The following CLIC4 variants were observed in gnomAD, a reference collection of about 807,000 sequenced individuals.
The protein encoded by CLIC4 is CLIC family member 4.
In CLIC4, 13 loss-of-function variants were observed where a neutral mutation model predicts 24.6. The observed-to-expected ratio is 0.53, with a 90% CI of 0.34 to 0.84. The LOEUF (loss-of-function observed/expected upper bound fraction) is 0.84, where lower values mean the gene tolerates loss of function less well. CLIC4 is among the 40% of genes least tolerant of loss of function. The pLI, the probability that CLIC4 is intolerant of heterozygous loss-of-function variation, is 0.01. For synonymous variants in CLIC4, 104 were observed against 111.3 expected, an observed-to-expected ratio of 0.93 and a Z score of 0.41; for missense variants, 227 against 301.7, an observed-to-expected ratio of 0.75 and a Z score of 1.83.
At position 24,835,970 on chromosome 1, in the gene CLIC4, T is replaced by A. The variant is rs1169183587; in HGVS notation, c.416-3890T>A. ...AATGTTGCTTATGTACAAGACTGTATCTATCTGTCTATCTATGAAACACAC... is the reference window on the plus strand; with the variant it reads ...AATGTTGCTTATGTACAAGACTGTAACTATCTGTCTATCTATGAAACACAC... On this transcript the variant is annotated intron_variant, in intron 4 of 5. Coordinates refer to ENST00000374379, the MANE Select transcript of CLIC4 (RefSeq NM_013943.3). Among the ~76,000 whole-genome samples the A allele has an allele frequency of 4.6e-5, 7 of 152,202 alleles. No individual in the cohort carries two copies. In the South Asian group the frequency reaches 8.3e-4, roughly 18 times the overall value.
At chr1:24,762,833 A>G (rs1287254370) in intron 1 of CLIC4, among the ~76,000 whole-genome samples, 1 of 152,198 alleles carries the variant, frequency 6.6e-6, no homozygotes, top group Non-Finnish European at 1.5e-5. Flanking sequence ...TTGGCTATGT[A>G]GAAGACACAG....
At chr1:24,813,968 C>T (rs1639643301) in intron 2 of CLIC4, 126 bp from the exon 3 acceptor site, 2 of 1,058,870 alleles carry the variant, frequency 1.9e-6, no homozygotes, top group South Asian at 2.7e-5. Context: ...TGTCCCACCT[C>T]AGCCTCCTGT....
chr1:24,799,338 C>A, intron 2 of CLIC4, among the ~76,000 whole-genome samples: 1 of 151,498 alleles, frequency 6.6e-6, no homozygotes, highest in Non-Finnish European at 1.5e-5. Context: ...TGCCCGGCCG[C>A]AACCCCGTCT....
chr1:24,813,715 G>A (rs566935001), intron 2 of CLIC4, among the ~76,000 whole-genome samples: 33 of 151,186 alleles, frequency 2.2e-4, no homozygotes, highest in African/African-American at 5.3e-4. Context: ...CACCATGCCC[G>A]GACAATTTAT....
chr1:24,747,038 T>C (rs1413262949), intron 1 of CLIC4, among the ~76,000 whole-genome samples: 1 of 151,582 alleles, frequency 6.6e-6, no homozygotes, highest in Non-Finnish European at 1.5e-5. Context: ...TCTGCAGTCT[T>C]CAGTAATGAC....
At chr1:24,819,655 T>A (rs894204834) in intron 3 of CLIC4, among the ~76,000 whole-genome samples, 2 of 152,026 alleles carry the variant, frequency 1.3e-5, no homozygotes, top group Admixed American at 6.6e-5. Flanking sequence ...GCCAGGCTGG[T>A]CTCGAACTCT....
At chr1:24,825,695 G>A (rs1639780759) in intron 3 of CLIC4, among the ~76,000 whole-genome samples, 1 of 152,146 alleles carries the variant, frequency 6.6e-6, no homozygotes, top group Non-Finnish European at 1.5e-5. Context: ...TACCAATATA[G>A]TACTCTGCCC....
chr1:24,772,064 A>G (rs986495009), intron 1 of CLIC4, among the ~76,000 whole-genome samples: 7 of 152,252 alleles, frequency 4.6e-5, no homozygotes, highest in African/African-American at 1.7e-4. Flanking sequence ...GATAACAAAA[A>G]TAGAGCCAAT....
At position 24,843,298 on chromosome 1, in the gene CLIC4, G is replaced by A. The variant is rs1034457730; in HGVS notation, c.*2361G>A. The A allele has an allele frequency of 6.6e-6, 1 of 152,226 alleles. No individual in the cohort carries two copies. Among genetic ancestry groups the A allele is most frequent in the African/African-American group, 2.4e-5 (1 of 41,470 alleles). The allele number at this position is 152,226 out of a possible 1,614,324, so 9.4% of individuals were successfully genotyped here. Reference sequence around the variant, plus strand: ...GCAACATGCTTTAACCCCATTGTATGTTTGTGGAAAGAGCATAGTTTAACA... The same window carrying A: ...GCAACATGCTTTAACCCCATTGTATATTTGTGGAAAGAGCATAGTTTAACA... On this transcript the variant is annotated 3_prime_UTR_variant, in exon 6 of 6. Transcript: ENST00000374379.
At chr1:24,751,431 G>C (rs1638774552) in intron 1 of CLIC4, among the ~76,000 whole-genome samples, 1 of 151,858 alleles carries the variant, frequency 6.6e-6, no homozygotes, top group South Asian at 2.1e-4. Context: ...AGTAGAGACG[G>C]GGTTTCACTA....
At chr1:24,815,658 A>G (rs376350237) in intron 3 of CLIC4, among the ~76,000 whole-genome samples, 1 of 152,218 alleles carries the variant, frequency 6.6e-6, no homozygotes. Context: ...TCTTGAAGTA[A>G]GATAACAATG....
At chr1:24,757,227 C>T (rs2124084925) in intron 1 of CLIC4, among the ~76,000 whole-genome samples, 1 of 152,242 alleles carries the variant, frequency 6.6e-6, no homozygotes, top group Admixed American at 6.5e-5. Context: ...GACGGGGTTT[C>T]ACCATGTTGG....
At chr1:24,804,853 C>G (rs575319796) in intron 2 of CLIC4, among the ~76,000 whole-genome samples, 1 of 151,824 alleles carries the variant, frequency 6.6e-6, no homozygotes, top group Non-Finnish European at 1.5e-5. Flanking sequence ...GTAATCCCAG[C>G]GCTTTGAGAG....
intron 1 of CLIC4, among the ~76,000 whole-genome samples, chr1:24,750,561 C>A (rs1382379638): frequency 6.6e-6 from 1 of 151,448 alleles, no homozygotes; most frequent in Non-Finnish European, 1.5e-5. Context: ...GACAAGGTTT[C>A]TCCATGTTGG....
intron 1 of CLIC4, among the ~76,000 whole-genome samples, chr1:24,796,964 T>TTTA (rs1639411843): frequency 1.3e-5 from 2 of 150,568 alleles, no homozygotes; most frequent in African/African-American, 2.4e-5. Context: ...TTATTTATTT[T>TTTA]TTTTTTTTGA....
chr1:24,785,534 G>T (rs537713238), intron 1 of CLIC4, among the ~76,000 whole-genome samples: 36 of 152,252 alleles, frequency 2.4e-4, no homozygotes, highest in African/African-American at 7.5e-4. Context: ...CTCCAAACTT[G>T]GTTCCAGCAT....
rs559283715 is a variant in CLIC4 at position 24,768,648 on chromosome 1, C to T, written c.72+23023C>T. Reference sequence around the variant, plus strand: ...AACATGTCGGCCGGGTGCGGTGGCTCACGCCTGTAATCCCTGTACTTTGGG... The same window carrying T: ...AACATGTCGGCCGGGTGCGGTGGCTTACGCCTGTAATCCCTGTACTTTGGG... On this transcript the variant is annotated intron_variant, in intron 1 of 5. Transcript: ENST00000374379. 5.9e-5 allele frequency among the ~76,000 whole-genome samples: 9 copies of T among 152,170 alleles called. No individual in the cohort carries two copies. The South Asian group carries it at 1.7e-3, about 28-fold the overall frequency.
At chr1:24,823,669 G>T (rs1029140090) in intron 3 of CLIC4, among the ~76,000 whole-genome samples, 2 of 151,838 alleles carry the variant, frequency 1.3e-5, no homozygotes, top group African/African-American at 4.8e-5. Context: ...AGCGACTTGG[G>T]AGGCTGAGGC....
chr1:24,799,482 T>C (rs1326381367), intron 2 of CLIC4, among the ~76,000 whole-genome samples: 1 of 123,642 alleles, frequency 8.1e-6, no homozygotes, highest in Non-Finnish European at 1.7e-5. Flanking sequence ...GTGAGGAGCC[T>C]CTCCACCCGG....
Sources: gnomAD v4.1 joint callset for allele counts (sites outside exome capture counted in the v4.1 genomes callset) on GRCh38, gnomAD v4.1.1 for gene constraint, MANE v1.5 for transcripts, NCBI Gene and HGNC (gene_info 2026-07-23, HGNC 2026-07-21) for gene names.